The following TBL1X variants were observed in gnomAD, a reference collection of about 807,000 sequenced individuals.
TBL1X encodes transducin beta like 1 X-linked, also known as F-box-like/WD repeat-containing protein TBL1X.
In TBL1X, 10 loss-of-function variants were observed where a neutral mutation model predicts 50.7. The observed-to-expected ratio is 0.20, with a 90% CI of 0.12 to 0.33. TBL1X has a LOEUF of 0.33. Among genes scored for constraint, TBL1X ranks in the 10% least tolerant of loss-of-function variants. TBL1X has a pLI of 1.00. For missense variants in TBL1X, 340 were observed against 504.4 expected (o/e 0.67, Z 3.12); for synonymous variants, 190 against 214.7 (o/e 0.88, Z 1.01).
chrX:9,700,483 T>TA (rs1431816219), intron 12 of TBL1X, among the ~76,000 whole-genome samples: 2 of 112,054 alleles, frequency 1.8e-5, no homozygotes, highest in African/African-American at 6.5e-5. Flanking sequence ...TTGCGTGAGC[T>TA]TCTCACCTGT....
chrX:9,638,358 C>T (rs1282002881), intron 2 of TBL1X, among the ~76,000 whole-genome samples: 1 of 112,258 alleles, frequency 8.9e-6, no homozygotes, highest in Non-Finnish European at 1.9e-5. Context: ...TATTGTGGTT[C>T]TATTTGCATA....
chrX:9,580,008 A>G (rs2082432115), intron 2 of TBL1X, among the ~76,000 whole-genome samples: 1 of 111,869 alleles, frequency 8.9e-6, no homozygotes, highest in South Asian at 3.7e-4. Context: ...TAAAGAGTCA[A>G]ACTCTGTAAA....
intron 2 of TBL1X, among the ~76,000 whole-genome samples, chrX:9,579,368 A>T (rs1045103176): frequency 2.7e-5 from 3 of 112,144 alleles, no homozygotes; most frequent in African/African-American, 9.7e-5. Context: ...CACAGTTTCT[A>T]TGATTTCAAT....
chrX:9,676,304 G>A (rs1437215726), intron 5 of TBL1X, among the ~76,000 whole-genome samples: 1 of 111,724 alleles, frequency 9.0e-6, no homozygotes, highest in Non-Finnish European at 1.9e-5. Context: ...AGCATTTCCA[G>A]GAAGCAGCAC....
chrX:9,654,756 C>T (rs2082856204), intron 5 of TBL1X, among the ~76,000 whole-genome samples: 1 of 111,071 alleles, frequency 9.0e-6, no homozygotes, highest in African/African-American at 3.3e-5. Flanking sequence ...TAGGAATCGT[C>T]GTAGCATCTT....
intron 2 of TBL1X, among the ~76,000 whole-genome samples, chrX:9,510,747 A>C (rs1032911740): frequency 1.8e-5 from 2 of 112,349 alleles, no homozygotes; most frequent in Non-Finnish European, 3.8e-5. Flanking sequence ...TCATCCAATC[A>C]GTTGAAGGCC....
rs757107084 is a variant in TBL1X, at chrX:9,713,421, C to CTTTTTTTTTTTTTTTTTTTTTTTT, written c.1606-1477_1606-1476insTTTTTTTTTTTTTTTTTTTTTTTT. Among the ~76,000 whole-genome samples the CTTTTTTTTTTTTTTTTTTTTTTTT allele has an allele frequency of 4.6e-5, 4 of 87,570 alleles. 1 individual carries two copies. The highest frequency in any genetic ancestry group is 2.1e-5 in the Non-Finnish European group (1 of 46,922). 76.0% of individuals were successfully genotyped at this position (87,570 alleles called of 115,157 possible). On this transcript the variant is annotated intron_variant, in intron 16 of 17. Transcript: ENST00000645353. Reference sequence around the variant, plus strand: ...TTATAAATCAAAGAAATCCTTAGGACTTTTCTTTTTTTTTTTTTTTTTTGG... The same window carrying CTTTTTTTTTTTTTTTTTTTTTTTT: ...TTATAAATCAAAGAAATCCTTAGGACTTTTTTTTTTTTTTTTTTTTTTTTTTTTCTTTTTTTTTTTTTTTTTTGG...
intron 2 of TBL1X, among the ~76,000 whole-genome samples, chrX:9,570,018 A>G (rs1423664910): frequency 4.5e-5 from 5 of 111,794 alleles, no homozygotes; most frequent in Admixed American, 1.9e-4. Flanking sequence ...CTGCTAATCT[A>G]TCTTATTAAA....
intron 13 of TBL1X, among the ~76,000 whole-genome samples, chrX:9,706,712 A>G (rs777818526): frequency 2.7e-5 from 3 of 111,496 alleles, no homozygotes; most frequent in East Asian, 5.6e-4. Context: ...ACCTTCTGCA[A>G]TCTCCAGTCT....
chrX:9,637,958 A>T (rs2082756694), intron 2 of TBL1X: 1 of 111,940 alleles, frequency 8.9e-6, no homozygotes, highest in Non-Finnish European at 1.9e-5. Flanking sequence ...ATTTTGGGGG[A>T]GGAGCAGGCT....
chrX:9,719,588 G>A lies in TBL1X; in HGVS notation c.*3342G>A, dbSNP rs944223736. On this transcript the variant is annotated 3_prime_UTR_variant, in exon 18 of 18. Transcript: ENST00000645353. ...CGATTCTGTTCAGATGACAGCGACC[G>A]CCTTTTCATTCCCCCCGCCACCTGT... 1.8e-5 allele frequency: 2 copies of A among 109,014 alleles called. No homozygotes were observed. Among genetic ancestry groups the A allele is most frequent in the Non-Finnish European group, 3.8e-5 (2 of 52,535 alleles). 9.0% of individuals were successfully genotyped at this position (109,014 alleles called of 1,213,427 possible). A position where few individuals can be genotyped will look rare whatever the true frequency, so the allele number is the denominator to read the frequency against.
intron 11 of TBL1X, among the ~76,000 whole-genome samples, chrX:9,695,112 C>T (rs1303543400): frequency 4.5e-5 from 5 of 112,295 alleles, no homozygotes; most frequent in African/African-American, 1.6e-4. Context: ...TCACCTGTTT[C>T]TTAAATTTAA....
intron 5 of TBL1X, among the ~76,000 whole-genome samples, chrX:9,664,712 GT>G (rs2082917076): frequency 9.0e-6 from 1 of 111,354 alleles, no homozygotes; most frequent in Non-Finnish European, 1.9e-5. Flanking sequence ...AGATTTGAGG[GT>G]CTTAACTTCT....
At chrX:9,539,558 C>G (rs899123517) in intron 2 of TBL1X, among the ~76,000 whole-genome samples, 1 of 111,653 alleles carries the variant, frequency 9.0e-6, no homozygotes. Flanking sequence ...TCACTTTCCT[C>G]AGGAAGCCCG....
At chrX:9,650,941 G>A (rs1486710328) in intron 3 of TBL1X, among the ~76,000 whole-genome samples, 1 of 100,891 alleles carries the variant, frequency 9.9e-6, no homozygotes, top group Non-Finnish European at 2.0e-5. Context: ...TTTCACAAAT[G>A]TATGTATAGC....
chrX:9,666,678 C>G (rs1229339971), intron 5 of TBL1X, among the ~76,000 whole-genome samples: 1 of 111,220 alleles, frequency 9.0e-6, no homozygotes, highest in Non-Finnish European at 1.9e-5. Flanking sequence ...CTAGATAAGG[C>G]CTGGGGACAC....
chrX:9,691,761 G>A (rs748919826), intron 8 of TBL1X, 50 bp downstream of exon 8: 1 of 1,192,314 alleles, frequency 8.4e-7, no homozygotes. Context: ...GATGGGAGAT[G>A]CAAGCTGCTC....
At chrX:9,604,234 T>C (rs2082571105) in intron 2 of TBL1X, among the ~76,000 whole-genome samples, 2 of 111,593 alleles carry the variant, frequency 1.8e-5, no homozygotes, top group Non-Finnish European at 3.8e-5. Flanking sequence ...AAAGAAATTC[T>C]TTGTGCTGAA....
intron 13 of TBL1X, among the ~76,000 whole-genome samples, chrX:9,707,027 C>T (rs761502547): frequency 2.7e-5 from 3 of 111,802 alleles, no homozygotes; most frequent in Non-Finnish European, 5.7e-5. Context: ...TCTGCCTCTC[C>T]CAGAAAACGC....
Sources: gnomAD v4.1 joint callset for allele counts (sites outside exome capture counted in the v4.1 genomes callset) on GRCh38, gnomAD v4.1.1 for gene constraint, MANE v1.5 for transcripts, NCBI Gene and HGNC (gene_info 2026-07-23, HGNC 2026-07-21) for gene names.